LRP1B: variants seen among roughly 807,000 people sequenced by gnomAD.
The protein encoded by LRP1B is low-density lipoprotein receptor-related protein 1B.
Under a neutral mutation model 556.6 loss-of-function variants are expected in LRP1B, and 217 were observed. That is an observed-to-expected ratio of 0.39 (90% CI 0.35 to 0.44). The LOEUF is 0.44. Among genes scored for constraint, LRP1B ranks in the 20% least tolerant of loss-of-function variants. The pLI is 1.00. For synonymous variants in LRP1B, 2,047 were observed against 1,865.8 expected (o/e 1.10, Z -2.50); for missense variants, 5,053 against 5,620.8 (o/e 0.90, Z 3.23).
Position 141,249,341 on chromosome 2 carries a change from A to G in LRP1B, c.464-1987T>C, listed in dbSNP as rs372392262. Among the ~76,000 whole-genome samples the G allele has an allele frequency of 3.7e-4, 56 of 152,318 alleles. 1 individual carries two copies. The South Asian group carries it at 0.011, about 30-fold the overall frequency. ...GTGGGACGCAGTGGCTCAGGCCTGT[A>G]TTCCTAGCACTTTGGTAGGCCAAGG... is the stretch of plus-strand genomic sequence containing the variant. On this transcript the variant is annotated intron_variant, in intron 4 of 90. Coordinates refer to ENST00000389484, the MANE Select transcript of LRP1B (RefSeq NM_018557.3).
At chr2:141,470,108 C>T (rs1051555148) in intron 3 of LRP1B, among the ~76,000 whole-genome samples, 2 of 152,120 alleles carry the variant, frequency 1.3e-5, no homozygotes, top group Non-Finnish European at 2.9e-5. Context: ...AATGTATCCC[C>T]CGTGGGAATA....
chr2:141,120,000 A>G (rs1701005487), intron 7 of LRP1B, among the ~76,000 whole-genome samples: 2 of 151,880 alleles, frequency 1.3e-5, no homozygotes. Flanking sequence ...ATTTTGTTTT[A>G]TTTTTAAATA....
intron 2 of LRP1B, among the ~76,000 whole-genome samples, chr2:141,547,957 G>GC (rs1475892918): frequency 6.6e-6 from 1 of 152,096 alleles, no homozygotes; most frequent in Non-Finnish European, 1.5e-5. Context: ...GGACGACCTA[G>GC]CTCTGTTGGG....
At chr2:141,959,566 A>T (rs954825570) in intron 1 of LRP1B, among the ~76,000 whole-genome samples, 6 of 152,000 alleles carry the variant, frequency 3.9e-5, no homozygotes, top group Admixed American at 2.6e-4. Flanking sequence ...TCTCCAAAAG[A>T]AATATAATGT....
rs1247523887 is a variant in LRP1B, at chr2:140,526,346, T to A, written c.7767A>T (p.Ser2589=). 4 of 1,605,410 alleles carry A rather than the reference T, an allele frequency of 2.5e-6. No homozygotes were observed. In the African/African-American group the frequency reaches 5.4e-5, roughly 22 times the overall value. ...AGCGGAACTCAACCGTGGCACAGGTTGAAACTAGAAAAACAGGTACATAAA... is the reference window on the plus strand; with the variant it reads ...AGCGGAACTCAACCGTGGCACAGGTAGAAACTAGAAAAACAGGTACATAAA... The part of the protein sequence containing the change: ...DNSDELDCKV[S]TCATVEFRCA... The change falls in exon 48 of 91, where the codon TCA becomes TCT. Residue 2589 remains serine, a synonymous_variant. Coordinates refer to ENST00000389484, the MANE Select transcript of LRP1B (RefSeq NM_018557.3).
At chr2:141,723,107 T>C (rs1380215626) in intron 2 of LRP1B, among the ~76,000 whole-genome samples, 1 of 152,084 alleles carries the variant, frequency 6.6e-6, no homozygotes, top group African/African-American at 2.4e-5. Context: ...TTATAAGCAT[T>C]GCCAGCATGC....
intron 7 of LRP1B, among the ~76,000 whole-genome samples, chr2:141,177,979 A>T (rs560196333): frequency 2.0e-5 from 3 of 152,248 alleles, no homozygotes; most frequent in South Asian, 2.1e-4. Flanking sequence ...GCAAAGAAAC[A>T]AATTGAGCTT....
Position 140,982,048 on chromosome 2 carries a change from C to T in LRP1B, c.2887+112G>A, listed in dbSNP as rs574781953. The T allele has an allele frequency of 4.3e-5, 32 of 743,460 alleles. No individual in the cohort carries two copies. The African/African-American group carries it at 5.1e-4, about 12-fold the overall frequency. The allele number at this position is 743,460 out of a possible 1,614,324, so 46.1% of individuals were successfully genotyped here. A position where few individuals can be genotyped will look rare whatever the true frequency, so the allele number is the denominator to read the frequency against. On this transcript the variant is annotated intron_variant, in intron 18 of 90. Transcript: ENST00000389484. ...TGTAACAAAAATGCCATATCTTCTGCCTCTTTTACCTGTACTCATAAAGAA... is the reference window on the plus strand; with the variant it reads ...TGTAACAAAAATGCCATATCTTCTGTCTCTTTTACCTGTACTCATAAAGAA...
Position 141,223,149 on chromosome 2 carries a change from T to C in LRP1B, c.850+6034A>G, listed in dbSNP as rs143096993. Among the ~76,000 whole-genome samples the C allele has an allele frequency of 3.1e-3, 474 of 152,168 alleles. 1 individual carries two copies. The highest frequency in any genetic ancestry group is 0.011 in the African/African-American group (447 of 41,522). On this transcript the variant is annotated intron_variant, in intron 6 of 90. Transcript: ENST00000389484. ...ATATCTAGAAAACCCCATTGTCTCA[T>C]CCCAAAAGCTTCTAAAGCTGATAAG...
chr2:141,149,667 C>T (rs1411652487), intron 7 of LRP1B, among the ~76,000 whole-genome samples: 1 of 152,134 alleles, frequency 6.6e-6, no homozygotes, highest in Non-Finnish European at 1.5e-5. Flanking sequence ...AGGCCTGAGG[C>T]ACTGCGTCGG....
intron 66 of LRP1B, among the ~76,000 whole-genome samples, chr2:140,436,442 C>A (rs1471056977): frequency 2.6e-5 from 4 of 152,134 alleles, no homozygotes; most frequent in South Asian, 2.1e-4. Flanking sequence ...ACATACCAGA[C>A]AAAATGTTCA....
At chr2:141,433,245 A>T (rs1034015777) in intron 3 of LRP1B, among the ~76,000 whole-genome samples, 1 of 152,018 alleles carries the variant, frequency 6.6e-6, no homozygotes, top group Non-Finnish European at 1.5e-5. Flanking sequence ...GTATTTAAAG[A>T]ATATGCTTTG....
intron 5 of LRP1B, among the ~76,000 whole-genome samples, chr2:141,238,914 A>G (rs1008725695): frequency 7.2e-5 from 11 of 152,038 alleles, no homozygotes; most frequent in African/African-American, 2.7e-4. Flanking sequence ...AAATATCCAA[A>G]TGGAGATATT....
chr2:140,900,575 AG>A (rs1425774965), intron 23 of LRP1B, among the ~76,000 whole-genome samples: 1 of 152,210 alleles, frequency 6.6e-6, no homozygotes, highest in Non-Finnish European at 1.5e-5. Context: ...TTAAAGTAAA[AG>A]ATTAAAATAA....
intron 3 of LRP1B, among the ~76,000 whole-genome samples, chr2:141,291,180 A>G (rs868330115): frequency 1.3e-5 from 2 of 152,322 alleles, no homozygotes; most frequent in Non-Finnish European, 1.5e-5. Flanking sequence ...TCCACTCTAT[A>G]TTAAGATGCA....
At chr2:140,680,438 A>T (rs1685822755) in intron 41 of LRP1B, among the ~76,000 whole-genome samples, 1 of 152,182 alleles carries the variant, frequency 6.6e-6, no homozygotes, top group African/African-American at 2.4e-5. Flanking sequence ...TATGGGAACA[A>T]AAAGAGCAAT....
chr2:141,028,284 TAA>T (rs1698271646), intron 11 of LRP1B, among the ~76,000 whole-genome samples: 1 of 151,568 alleles, frequency 6.6e-6, no homozygotes, highest in Non-Finnish European at 1.5e-5. Context: ...AGTAAAAGTA[TAA>T]GAGGTATTAG....
chr2:140,781,121 C>A (rs1355948693), intron 32 of LRP1B, among the ~76,000 whole-genome samples: 1 of 152,112 alleles, frequency 6.6e-6, no homozygotes, highest in African/African-American at 2.4e-5. Flanking sequence ...GGTACAGGGT[C>A]AGTAAATAAA....
rs1491297516 is a variant in LRP1B, at chr2:142,115,553, ATT to A, written c.82+15093_82+15094del. Among the ~76,000 whole-genome samples the A allele has an allele frequency of 8.9e-5, 2 of 22,458 alleles. 1 individual carries two copies. Among genetic ancestry groups the A allele is most frequent in the Non-Finnish European group, 2.5e-4 (2 of 7,964 alleles). The allele number at this position is 22,458 out of a possible 152,430, so 14.7% of individuals were successfully genotyped here. On this transcript the variant is annotated intron_variant, in intron 1 of 90. Transcript: ENST00000389484. ...TATATATTACATATGTAATATATATATTATATATGTAATATATATTATATATG... is the reference window on the plus strand; with the variant it reads ...TATATATTACATATGTAATATATATAATATATGTAATATATATTATATATG...
Sources: allele counts gnomAD v4.1 joint callset (sites outside exome capture counted in the v4.1 genomes callset), GRCh38; gene constraint gnomAD v4.1.1; transcripts MANE v1.5; gene names NCBI Gene and HGNC (gene_info 2026-07-23, HGNC 2026-07-21).